Variants in ALDH1A2 observed in about 807,000 individuals in gnomAD.
The protein encoded by ALDH1A2 is aldehyde dehydrogenase 1 family member A2.
Under a neutral mutation model 60.3 loss-of-function variants are expected in ALDH1A2, and 27 were observed. That is an observed-to-expected ratio of 0.45 (90% confidence interval 0.33 to 0.62). The LOEUF is 0.62. ALDH1A2 is among the 20% of genes least tolerant of loss of function. The pLI, the probability that ALDH1A2 is intolerant of heterozygous loss-of-function variation, is 0.02. For synonymous variants in ALDH1A2, 289 were observed against 232.4 expected (o/e 1.24, Z -2.21); for missense variants, 581 against 643.8 (o/e 0.90, Z 1.06).
chr15:58,053,917 A>G (rs1896835043), intron 1 of ALDH1A2, among the ~76,000 whole-genome samples: 1 of 152,150 alleles, frequency 6.6e-6, no homozygotes, highest in Non-Finnish European at 1.5e-5. Flanking sequence ...TACACCAATA[A>G]ATACCCATTT....
At chr15:58,041,451 T>C (rs1442988164) in intron 1 of ALDH1A2, among the ~76,000 whole-genome samples, 1 of 151,850 alleles carries the variant, frequency 6.6e-6, no homozygotes, top group Non-Finnish European at 1.5e-5. Flanking sequence ...CAAAATACCA[T>C]CAACTTTGTG....
intron 12 of ALDH1A2, among the ~76,000 whole-genome samples, chr15:57,960,315 G>A (rs2140448046): frequency 6.6e-6 from 1 of 152,328 alleles, no homozygotes. Flanking sequence ...TAATGGCTGA[G>A]GGAACGGGCA....
At chr15:57,966,933 C>T (rs1893913339) in intron 7 of ALDH1A2, among the ~76,000 whole-genome samples, 1 of 152,216 alleles carries the variant, frequency 6.6e-6, no homozygotes, top group Admixed American at 6.5e-5. Context: ...ATGGAAAATG[C>T]AGAGCAGAGC....
At chr15:58,021,274 G>A (rs1296969723) in intron 1 of ALDH1A2, among the ~76,000 whole-genome samples, 2 of 152,164 alleles carry the variant, frequency 1.3e-5, no homozygotes, top group Non-Finnish European at 2.9e-5. Flanking sequence ...CCTCCACTTA[G>A]AAAAACCAGA....
At chr15:57,969,540 T>C (rs1893995014) in intron 7 of ALDH1A2, among the ~76,000 whole-genome samples, 1 of 152,118 alleles carries the variant, frequency 6.6e-6, no homozygotes, top group African/African-American at 2.4e-5. Context: ...CCTCCTGACA[T>C]GACCAGAAGG....
intron 1 of ALDH1A2, among the ~76,000 whole-genome samples, chr15:58,044,683 C>A (rs1896596811): frequency 6.6e-6 from 1 of 152,010 alleles, no homozygotes; most frequent in Admixed American, 6.6e-5. Flanking sequence ...CTATTACAAT[C>A]CTCAAATAGA....
At chr15:58,064,408 T>C (rs1410481653) in intron 1 of ALDH1A2, among the ~76,000 whole-genome samples, 2 of 152,094 alleles carry the variant, frequency 1.3e-5, no homozygotes, top group Admixed American at 6.5e-5. Context: ...GCAAGTAAAA[T>C]CTCAATATTC....
At chr15:58,057,886 A>T in intron 1 of ALDH1A2, 1 of 370,166 alleles carries the variant, frequency 2.7e-6, no homozygotes, top group Non-Finnish European at 4.4e-6. Context: ...GCACAAGAGT[A>T]GCTCTGGCTA....
intron 3 of ALDH1A2, among the ~76,000 whole-genome samples, chr15:58,011,889 T>C (rs1255308714): frequency 6.6e-6 from 1 of 152,194 alleles, no homozygotes; most frequent in African/African-American, 2.4e-5. Flanking sequence ...CTGCACAGCT[T>C]AGAGTGAATA....
intron 4 of ALDH1A2, among the ~76,000 whole-genome samples, chr15:58,003,006 C>T (rs1175709296): frequency 6.6e-6 from 1 of 151,866 alleles, no homozygotes; most frequent in African/African-American, 2.4e-5. Flanking sequence ...TGCTTTTCTT[C>T]CCAGAAGTCT....
chr15:58,051,603 C>CATGAGAGGCCTAT (rs1432194957), intron 1 of ALDH1A2, among the ~76,000 whole-genome samples: 6 of 152,150 alleles, frequency 3.9e-5, no homozygotes, highest in African/African-American at 1.4e-4. Context: ...GCCATAACTA[C>CATGAGAGGCCTAT]ATGAGAGGCC....
chr15:57,990,308 T>C (rs916730782), intron 7 of ALDH1A2: 1 of 152,244 alleles, frequency 6.6e-6, no homozygotes, highest in African/African-American at 2.4e-5. Context: ...TATACGTGTG[T>C]GTATACGTAT....
intron 12 of ALDH1A2, among the ~76,000 whole-genome samples, chr15:57,958,214 G>GCGCACACACACACACACACACACACA (rs67551670): frequency 4.6e-5 from 7 of 151,818 alleles, no homozygotes; most frequent in Admixed American, 3.9e-4. Context: ...GTACACGCAC[G>GCGCACACACACACACACACACACACA]CACACACACA....
intron 7 of ALDH1A2, among the ~76,000 whole-genome samples, chr15:57,972,854 T>A (rs766188743): frequency 2.0e-5 from 3 of 152,158 alleles, no homozygotes; most frequent in Non-Finnish European, 4.4e-5. Flanking sequence ...ATTAGCTGTT[T>A]ATAGCTAAAA....
In ALDH1A2 at chr15:58,031,970, A is replaced by G. The variant is rs182655156; in HGVS notation, c.118-17689T>C. On this transcript the variant is annotated intron_variant, in intron 1 of 12. Transcript: ENST00000249750. Reference sequence around the variant, plus strand: ...GGCGATTCCTCAGGGATCTAGAACTAGAAATACCATTTGACCCAGCCACCC... The same window carrying G: ...GGCGATTCCTCAGGGATCTAGAACTGGAAATACCATTTGACCCAGCCACCC... Among the ~76,000 whole-genome samples the G allele has an allele frequency of 1.7e-4, 26 of 152,336 alleles. No individual in the cohort carries two copies. In the East Asian group the frequency reaches 5.0e-3, roughly 29 times the overall value.
intron 12 of ALDH1A2, among the ~76,000 whole-genome samples, chr15:57,957,632 A>G (rs1203423323): frequency 6.6e-6 from 1 of 152,200 alleles, no homozygotes; most frequent in Non-Finnish European, 1.5e-5. Flanking sequence ...ATCAGGACGA[A>G]ACAGCAAGGC....
intron 7 of ALDH1A2, among the ~76,000 whole-genome samples, chr15:57,972,709 T>A (rs1057437573): frequency 9.9e-5 from 15 of 152,238 alleles, no homozygotes; most frequent in Admixed American, 2.0e-4. Flanking sequence ...TGCTAATAGT[T>A]TAAAACCTAC....
chr15:58,063,816 A>G (rs991765414), intron 1 of ALDH1A2, among the ~76,000 whole-genome samples: 1 of 152,158 alleles, frequency 6.6e-6, no homozygotes, highest in Non-Finnish European at 1.5e-5. Flanking sequence ...CTTTGTATTA[A>G]GTGGGAAAGT....
intron 4 of ALDH1A2, among the ~76,000 whole-genome samples, chr15:58,003,473 A>C (rs1895343425): frequency 6.6e-6 from 1 of 151,930 alleles, no homozygotes; most frequent in Non-Finnish European, 1.5e-5. Context: ...GGTGAAATGG[A>C]AAGTTATATA....
Sources: allele counts gnomAD v4.1 joint callset (sites outside exome capture counted in the v4.1 genomes callset), GRCh38; gene constraint gnomAD v4.1.1; transcripts MANE v1.5; gene names NCBI Gene and HGNC (gene_info 2026-07-23, HGNC 2026-07-21).